The following UBE2V2 variants were observed in gnomAD, a reference collection of about 807,000 sequenced individuals.
The protein encoded by UBE2V2 is ubiquitin conjugating enzyme E2 V2, also known as ubiquitin-conjugating enzyme E2 variant 2.
In UBE2V2, 9 loss-of-function variants were observed where a neutral mutation model predicts 17.2. The ratio of observed to expected loss-of-function variants is 0.52; its 90% CI spans 0.32 to 0.91. UBE2V2 has a LOEUF of 0.91. UBE2V2 is among the 40% of genes least tolerant of loss of function. The pLI, the probability that UBE2V2 is intolerant of heterozygous loss-of-function variation, is 0.04. For synonymous variants in UBE2V2, 61 were observed against 57.5 expected (o/e 1.06, Z -0.28); for missense variants, 133 against 182.6 (o/e 0.73, Z 1.56).
chr8:48,013,182 C>T (rs1027174617), intron 1 of UBE2V2, among the ~76,000 whole-genome samples: 2 of 152,036 alleles, frequency 1.3e-5, no homozygotes, highest in African/African-American at 4.8e-5. Flanking sequence ...GTACACTTGT[C>T]ACAATTAAGG....
intron 3 of UBE2V2, among the ~76,000 whole-genome samples, chr8:48,059,948 G>A (rs1052457421): frequency 6.6e-6 from 1 of 152,018 alleles, no homozygotes; most frequent in African/African-American, 2.4e-5. Context: ...GTTCATGCCT[G>A]TAATCCCAGC....
intron 2 of UBE2V2, among the ~76,000 whole-genome samples, chr8:48,049,302 A>G (rs1055504417): frequency 3.3e-5 from 5 of 152,186 alleles, no homozygotes; most frequent in African/African-American, 7.2e-5. Context: ...GCTAGAAGTT[A>G]TTGATTGCCA....
intron 1 of UBE2V2, among the ~76,000 whole-genome samples, chr8:48,037,695 T>A (rs992389420): frequency 6.6e-6 from 1 of 152,202 alleles, no homozygotes; most frequent in African/African-American, 2.4e-5. Context: ...CTAGCCACAA[T>A]TCTTTGGCTC....
chr8:48,035,181 T>A, intron 1 of UBE2V2: 1 of 935,280 alleles, frequency 1.1e-6, no homozygotes, highest in South Asian at 5.1e-5. Context: ...AGTGGCACAA[T>A]CTCAGCTCAC....
At chr8:48,006,771 G>T (rs1228881187), upstream of UBE2V2, among the ~76,000 whole-genome samples, 1 of 152,104 alleles carries the variant, frequency 6.6e-6, no homozygotes, top group Non-Finnish European at 1.5e-5. Flanking sequence ...AATAAACTAG[G>T]CATTGATGGA....
chr8:48,052,258 T>A (rs2091543617), intron 3 of UBE2V2, among the ~76,000 whole-genome samples: 1 of 152,246 alleles, frequency 6.6e-6, no homozygotes. Flanking sequence ...AGCATTGCCT[T>A]TATGAAGAAG....
chr8:48,009,589 G>A (rs964450009), intron 1 of UBE2V2, among the ~76,000 whole-genome samples: 3 of 152,096 alleles, frequency 2.0e-5, no homozygotes, highest in East Asian at 1.9e-4. Flanking sequence ...CCTAGTCTTC[G>A]TTGAAACAAG....
At chr8:48,044,012 A>G (rs898803505) in intron 2 of UBE2V2, among the ~76,000 whole-genome samples, 6 of 150,404 alleles carry the variant, frequency 4.0e-5, no homozygotes, top group Admixed American at 6.6e-5. Context: ...TTGTCTCTCT[A>G]ATGTTTTTGG....
Position 48,008,481 on chromosome 8 carries a change from G to A in UBE2V2, c.16+11G>A, listed in dbSNP as rs777021338. 9 of 1,567,006 alleles carry A rather than the reference G, an allele frequency of 5.7e-6. No individual in the cohort carries two copies. In the East Asian group the frequency reaches 1.3e-4, roughly 23 times the overall value. On this transcript the variant is annotated intron_variant, in intron 1 of 3. Transcript: ENST00000523111. ...TGGCGGTCTCCACAGGTCGGTTCCC[G>A]GGCCGGGCTGCGTGATTTTCCGCTC... is the stretch of plus-strand genomic sequence containing the variant.
chr8:48,022,400 T>A (rs1448996470), intron 1 of UBE2V2, among the ~76,000 whole-genome samples: 1 of 152,148 alleles, frequency 6.6e-6, no homozygotes, highest in African/African-American at 2.4e-5. Flanking sequence ...CCTCTCAAAG[T>A]GCTGGGATTA....
rs769672905 is a variant in UBE2V2, at chr8:48,060,754, C to T, written c.364C>T (p.Leu122=). Residue 122 remains leucine (L), a synonymous_variant, in exon 4 of 4, where the codon CTA becomes TTA. Transcript: ENST00000523111. ...SYSIKVVLQE[L]RRLMMSKENM... ...TAGCATTAAAGTTGTACTTCAAGAG[C>T]TAAGACGTCTAATGATGTCCAAAGA... The T allele has an allele frequency of 1.3e-6, 2 of 1,573,292 alleles. No homozygotes were observed. Among genetic ancestry groups the T allele is most frequent in the East Asian group, 2.4e-5 (1 of 42,388 alleles).
intron 1 of UBE2V2, among the ~76,000 whole-genome samples, chr8:48,013,339 G>C (rs1222464846): frequency 6.9e-6 from 1 of 145,406 alleles, no homozygotes; most frequent in South Asian, 2.1e-4. Flanking sequence ...ATGAAGTCTC[G>C]CTCTGTGGCC....
intron 3 of UBE2V2, chr8:48,050,242 C>CTT: frequency 1.1e-5 from 2 of 181,088 alleles, no homozygotes. Context: ...TTTTTCTTTT[C>CTT]TTTTTTTTTT....
chr8:48,007,142 C>T (rs976559015), upstream of UBE2V2, among the ~76,000 whole-genome samples: 6 of 152,046 alleles, frequency 3.9e-5, no homozygotes, highest in African/African-American at 1.5e-4. Flanking sequence ...CCCGCCTCCG[C>T]CTCCCAAAGT....
intron 3 of UBE2V2, among the ~76,000 whole-genome samples, chr8:48,056,275 T>C (rs2091571217): frequency 6.6e-6 from 1 of 152,240 alleles, no homozygotes; most frequent in African/African-American, 2.4e-5. Context: ...TTTCTATTTT[T>C]CTACTTTTGG....
intron 1 of UBE2V2, chr8:48,042,713 A>T (rs1449555789): frequency 1.2e-5 from 2 of 173,788 alleles, no homozygotes; most frequent in East Asian, 3.0e-4. Context: ...ATTGGTGCAG[A>T]GTCCTTGGCT....
intron 2 of UBE2V2, among the ~76,000 whole-genome samples, chr8:48,048,278 G>C (rs1373316522): frequency 6.6e-6 from 1 of 152,164 alleles, no homozygotes; most frequent in East Asian, 1.9e-4. Flanking sequence ...GTAGGAGTGT[G>C]TTTCTTTTTA....
At chr8:48,018,445 A>G (rs1409770212) in intron 1 of UBE2V2, among the ~76,000 whole-genome samples, 2 of 152,096 alleles carry the variant, frequency 1.3e-5, no homozygotes, top group Non-Finnish European at 2.9e-5. Context: ...TTTAACTTCC[A>G]TGTTTTTGTG....
chr8:48,012,966 C>CCAGCTACTGTAA (rs1478136026), intron 1 of UBE2V2, among the ~76,000 whole-genome samples: 3 of 151,592 alleles, frequency 2.0e-5, no homozygotes, highest in Non-Finnish European at 4.4e-5. Context: ...CTGCCTCAGC[C>CCAGCTACTGTAA]TCCCGAGTAG....
Sources: gnomAD v4.1 joint callset for allele counts (sites outside exome capture counted in the v4.1 genomes callset) on GRCh38, gnomAD v4.1.1 for gene constraint, MANE v1.5 for transcripts, NCBI Gene and HGNC (gene_info 2026-07-23, HGNC 2026-07-21) for gene names.